Variants in TUSC3 observed in about 807,000 individuals in gnomAD.
The protein encoded by TUSC3 is dolichyl-diphosphooligosaccharide--protein glycosyltransferase subunit TUSC3.
TUSC3 carries 45 observed loss-of-function variants against 44.8 expected under a neutral mutation model. The ratio of observed to expected loss-of-function variants is 1.00; its 90% CI spans 0.79 to 1.29. TUSC3 has a LOEUF of 1.29. Among genes scored for constraint, TUSC3 ranks in the 50% most tolerant of loss-of-function variants. The pLI is 0.00. For synonymous variants in TUSC3, 212 were observed against 152.9 expected (o/e 1.39, Z -2.85); for missense variants, 519 against 437.9 (o/e 1.19, Z -1.65).
the TUSC3 span, among the ~76,000 whole-genome samples, chr8:15,826,190 G>A: frequency 6.6e-6 from 1 of 152,064 alleles, no homozygotes; most frequent in African/African-American, 2.4e-5. Flanking sequence ...GCTTACTTAA[G>A]AATGTAATTC....
chr8:15,590,064 C>G (rs889708109), intron 1 of TUSC3, among the ~76,000 whole-genome samples: 3 of 152,154 alleles, frequency 2.0e-5, no homozygotes, highest in East Asian at 3.8e-4. Flanking sequence ...TATTAATATT[C>G]TGTTAAAAGC....
intron 2 of TUSC3, among the ~76,000 whole-genome samples, chr8:15,484,388 A>G (rs1463669994): frequency 6.6e-6 from 1 of 152,232 alleles, no homozygotes; most frequent in Non-Finnish European, 1.5e-5. Flanking sequence ...ATTTGTGCTC[A>G]TTTCGATTTA....
At chr8:15,417,703 T>C (rs1434129881) in intron 1 of TUSC3, among the ~76,000 whole-genome samples, 1 of 152,216 alleles carries the variant, frequency 6.6e-6, no homozygotes, top group Non-Finnish European at 1.5e-5. Flanking sequence ...TGGCAGGCTG[T>C]GCTTCAGGAC....
chr8:15,630,601 C>A (rs148040757), intron 2 of TUSC3, among the ~76,000 whole-genome samples: 1 of 152,218 alleles, frequency 6.6e-6, no homozygotes, highest in African/African-American at 2.4e-5. Context: ...ATTTGTGACT[C>A]CAGAGCTATT....
rs780176644 is a variant in TUSC3, at chr8:15,623,259, G to A, written c.308+10G>A. 1.3e-6 allele frequency: 2 copies of A among 1,574,060 alleles called. No homozygotes were observed. The highest frequency in any genetic ancestry group is 1.4e-5 in the African/African-American group (1 of 73,368). ...AGTGTTCTGTGTGCAGGTAATTTATGTAATTAAAAAATATTAAAAACTATT... is the reference window on the plus strand; with the variant it reads ...AGTGTTCTGTGTGCAGGTAATTTATATAATTAAAAAATATTAAAAACTATT... On this transcript the variant is annotated intron_variant, in intron 2 of 10. Transcript: ENST00000503731.
chr8:15,601,696 T>C (rs1212449993), intron 1 of TUSC3, among the ~76,000 whole-genome samples: 2 of 151,654 alleles, frequency 1.3e-5, no homozygotes, highest in Non-Finnish European at 1.5e-5. Context: ...AGGCAAATCT[T>C]AGGAGGCTGG....
intron 1 of TUSC3, among the ~76,000 whole-genome samples, chr8:15,582,186 C>G (rs201767794): frequency 6.6e-6 from 1 of 152,162 alleles, no homozygotes; most frequent in African/African-American, 2.4e-5. Flanking sequence ...GTGCGCGCAC[C>G]CACTGGCCTG....
rs934113075 is a variant in TUSC3, at chr8:15,697,520, G to A, written c.798+23684G>A. Among the ~76,000 whole-genome samples the A allele has an allele frequency of 5.3e-5, 8 of 152,204 alleles. No individual in the cohort carries two copies. In the South Asian group the frequency reaches 6.2e-4, roughly 12 times the overall value. ...TGCCAAGTGCTGGGGGGTCTAGTTCGCTATCTTGCTACAACTTTCTCAAAT... is the reference window on the plus strand; with the variant it reads ...TGCCAAGTGCTGGGGGGTCTAGTTCACTATCTTGCTACAACTTTCTCAAAT... On this transcript the variant is annotated intron_variant, in intron 6 of 10. Coordinates refer to ENST00000503731, the MANE Select transcript of TUSC3 (RefSeq NM_006765.4).
the TUSC3 span, among the ~76,000 whole-genome samples, chr8:15,792,005 A>T: frequency 2.6e-5 from 4 of 152,122 alleles, no homozygotes; most frequent in Admixed American, 6.6e-5. Context: ...TCTTTCTAAC[A>T]TAAAAAAAAG....
chr8:15,663,074 G>C (rs751400539), intron 5 of TUSC3, among the ~76,000 whole-genome samples: 4 of 151,750 alleles, frequency 2.6e-5, no homozygotes, highest in Non-Finnish European at 5.9e-5. Context: ...ACAGCCAATA[G>C]CCGAAACTCA....
upstream of TUSC3, among the ~76,000 whole-genome samples, chr8:15,539,345 C>CTTTTTTTTTT (rs35685582): frequency 3.3e-4 from 23 of 69,404 alleles, 1 homozygote; most frequent in East Asian, 5.0e-4. Context: ...TGCTATGGTT[C>CTTTTTTTTTT]TTTTTTTTTT....
the TUSC3 span, among the ~76,000 whole-genome samples, chr8:15,782,404 A>T: frequency 1.3e-5 from 2 of 152,164 alleles, no homozygotes; most frequent in Non-Finnish European, 2.9e-5. Context: ...AGTTGGGCTC[A>T]GGAATTTGAA....
intron 2 of TUSC3, among the ~76,000 whole-genome samples, chr8:15,511,022 C>T (rs865909063): frequency 6.6e-6 from 1 of 152,110 alleles, no homozygotes; most frequent in Admixed American, 6.6e-5. Flanking sequence ...AATTCAAGAT[C>T]CACTGCGGAT....
chr8:15,778,591 C>T, the TUSC3 span, among the ~76,000 whole-genome samples: 2 of 152,092 alleles, frequency 1.3e-5, no homozygotes, highest in African/African-American at 4.8e-5. Flanking sequence ...TTTTCTCACC[C>T]CTTTCTCTTC....
chr8:15,744,988 A>G (rs1212952728), intron 8 of TUSC3, among the ~76,000 whole-genome samples: 1 of 151,946 alleles, frequency 6.6e-6, no homozygotes, highest in Admixed American at 6.6e-5. Context: ...TCTCATCTTT[A>G]TGTTCATATG....
intron 8 of TUSC3, among the ~76,000 whole-genome samples, chr8:15,745,023 C>G (rs554767918): frequency 1.3e-5 from 2 of 152,066 alleles, no homozygotes; most frequent in Non-Finnish European, 2.9e-5. Context: ...CTCCCACTTA[C>G]AAGTGAGAAC....
intron 1 of TUSC3, among the ~76,000 whole-genome samples, chr8:15,444,750 A>G (rs1800069423): frequency 7.0e-6 from 1 of 142,712 alleles, no homozygotes; most frequent in South Asian, 2.3e-4. Context: ...GAAATGTAGC[A>G]TTTCTTATAT....
the TUSC3 span, among the ~76,000 whole-genome samples, chr8:15,784,456 A>G: frequency 2.6e-5 from 4 of 152,102 alleles, no homozygotes; most frequent in African/African-American, 9.7e-5. Context: ...AAAAAATTGA[A>G]GTGCCCATCA....
At chr8:15,532,475 C>G (rs938091662) in intron 2 of TUSC3, among the ~76,000 whole-genome samples, 2 of 152,086 alleles carry the variant, frequency 1.3e-5, no homozygotes, top group African/African-American at 2.4e-5. Context: ...ACAGGAAAAA[C>G]TATGGTCCGT....
Sources: allele counts gnomAD v4.1 joint callset (sites outside exome capture counted in the v4.1 genomes callset), GRCh38; gene constraint gnomAD v4.1.1; transcripts MANE v1.5; gene names NCBI Gene and HGNC (gene_info 2026-07-23, HGNC 2026-07-21).